The following NRG3 variants were observed in gnomAD, a reference collection of about 807,000 sequenced individuals.
NRG3 encodes the protein neuregulin 3, also known as pro-neuregulin-3, membrane-bound isoform.
Under a neutral mutation model 66.9 loss-of-function variants are expected in NRG3, and 31 were observed. That is an observed-to-expected ratio of 0.46 (90% CI 0.35 to 0.63). NRG3 has a LOEUF of 0.63. Ranked by LOEUF, NRG3 falls within the 20% of genes least tolerant of loss-of-function variation. The pLI is 0.00. For synonymous variants in NRG3, 393 were observed against 359.4 expected, an observed-to-expected ratio of 1.09 and a Z score of -1.06; for missense variants, 910 against 878.9, an observed-to-expected ratio of 1.04 and a Z score of -0.45.
intron 2 of NRG3, among the ~76,000 whole-genome samples, chr10:82,415,679 G>C (rs578075433): frequency 2.0e-5 from 3 of 152,198 alleles, no homozygotes; most frequent in South Asian, 4.2e-4. Context: ...GTTGAGTCAC[G>C]CTACTCCAGA....
intron 2 of NRG3, among the ~76,000 whole-genome samples, chr10:82,606,876 C>T (rs2047999253): frequency 6.6e-6 from 1 of 152,150 alleles, no homozygotes; most frequent in South Asian, 2.1e-4. Flanking sequence ...GACTCAGCAC[C>T]AAAACGTTGT....
intron 4 of NRG3, among the ~76,000 whole-genome samples, chr10:82,893,695 G>C (rs941374484): frequency 2.6e-5 from 4 of 151,820 alleles, no homozygotes; most frequent in African/African-American, 9.7e-5. Context: ...AAAAAAAAAA[G>C]AATAAATAGA....
At chr10:82,229,610 A>G (rs1261741435) in intron 1 of NRG3, among the ~76,000 whole-genome samples, 1 of 152,176 alleles carries the variant, frequency 6.6e-6, no homozygotes, top group Non-Finnish European at 1.5e-5. Flanking sequence ...AGAGGAAACA[A>G]CCATGTCCTT....
At chr10:82,242,006 T>C (rs2077027450) in intron 1 of NRG3, among the ~76,000 whole-genome samples, 1 of 152,188 alleles carries the variant, frequency 6.6e-6, no homozygotes, top group African/African-American at 2.4e-5. Context: ...TATATTAACA[T>C]GTTTCTTCTA....
chr10:82,483,890 C>T (rs1842479933), intron 2 of NRG3, among the ~76,000 whole-genome samples: 1 of 152,198 alleles, frequency 6.6e-6, no homozygotes, highest in African/African-American at 2.4e-5. Flanking sequence ...CCTTTTAACT[C>T]TTATGACTAC....
intron 8 of NRG3, among the ~76,000 whole-genome samples, chr10:82,983,042 AAGATATTTGC>A (rs1458578801): frequency 1.3e-5 from 2 of 152,272 alleles, no homozygotes; most frequent in East Asian, 3.9e-4. Context: ...TATATTCTCT[AAGATATTTGC>A]ACCTTTTTCC....
intron 1 of NRG3, among the ~76,000 whole-genome samples, chr10:81,995,326 A>G (rs766650706): frequency 5.5e-4 from 84 of 152,082 alleles, no homozygotes; most frequent in Non-Finnish European, 5.1e-4. Context: ...TCAAAAATCT[A>G]TTTTCTTGAC....
chr10:82,742,675 G>T (rs2058475597), intron 3 of NRG3, among the ~76,000 whole-genome samples: 1 of 152,100 alleles, frequency 6.6e-6, no homozygotes, highest in South Asian at 2.1e-4. Flanking sequence ...ATCAGCTACT[G>T]TGGCATTCTT....
intron 1 of NRG3, among the ~76,000 whole-genome samples, chr10:82,179,996 T>C (rs2073304165): frequency 6.6e-6 from 1 of 151,884 alleles, no homozygotes; most frequent in African/African-American, 2.4e-5. Flanking sequence ...TTATTTTTAA[T>C]GCTATTGTAA....
At chr10:82,525,990 G>T (rs1214782681) in intron 2 of NRG3, among the ~76,000 whole-genome samples, 1 of 151,920 alleles carries the variant, frequency 6.6e-6, no homozygotes, top group Admixed American at 6.6e-5. Flanking sequence ...AAAGATCAGG[G>T]AAATTATCTG....
At chr10:82,683,840 AAAC>A (rs1482358491) in intron 2 of NRG3, among the ~76,000 whole-genome samples, 25 of 152,348 alleles carry the variant, frequency 1.6e-4, no homozygotes, top group Middle Eastern at 6.8e-3. Flanking sequence ...TAGAGCTAGA[AAAC>A]AACTTTCTTA....
chr10:82,464,472 A>G (rs1840487240), intron 2 of NRG3, among the ~76,000 whole-genome samples: 1 of 152,192 alleles, frequency 6.6e-6, no homozygotes, highest in Admixed American at 6.5e-5. Flanking sequence ...TGCACATGAT[A>G]TCTTGGATAT....
intron 2 of NRG3, among the ~76,000 whole-genome samples, chr10:82,591,687 C>CT (rs2046992088): frequency 6.6e-6 from 1 of 152,136 alleles, no homozygotes. Context: ...AAGTAACTTT[C>CT]CCAAGGCCAT....
chr10:82,052,503 T>C (rs372466683), intron 1 of NRG3, among the ~76,000 whole-genome samples: 1 of 152,204 alleles, frequency 6.6e-6, no homozygotes, highest in East Asian at 1.9e-4. Context: ...CCTCTGGGAA[T>C]CTCAAAGACC....
At chr10:82,216,940 T>A (rs1564674216) in intron 1 of NRG3, among the ~76,000 whole-genome samples, 1 of 152,182 alleles carries the variant, frequency 6.6e-6, no homozygotes, top group Non-Finnish European at 1.5e-5. Flanking sequence ...GCCATTTGGC[T>A]TAAGAAGTTC....
In NRG3 at chr10:82,231,612, G is replaced by C. The variant is rs143171565; in HGVS notation, c.824-127127G>C. On this transcript the variant is annotated intron_variant, in intron 1 of 8. Transcript: ENST00000372141. Reference sequence around the variant, plus strand: ...AAGTTATTTCCACAAGAAATCAATAGGAATGGATATCTGTGCATCACATAA... The same window carrying C: ...AAGTTATTTCCACAAGAAATCAATACGAATGGATATCTGTGCATCACATAA... 1.1e-3 allele frequency among the ~76,000 whole-genome samples: 163 copies of C among 152,214 alleles called. 1 individual carries two copies. In the East Asian group the frequency reaches 0.018, roughly 17 times the overall value.
intron 2 of NRG3, among the ~76,000 whole-genome samples, chr10:82,629,845 C>T (rs1228263236): frequency 3.9e-5 from 6 of 152,150 alleles, no homozygotes; most frequent in African/African-American, 1.4e-4. Flanking sequence ...ACAATAAGGA[C>T]AGAAGTCAGA....
intron 2 of NRG3, among the ~76,000 whole-genome samples, chr10:82,408,129 AAGAAAGAAAGAAAGAAAAG>A (rs1224309008): frequency 7.8e-6 from 1 of 128,902 alleles, no homozygotes; most frequent in Non-Finnish European, 1.6e-5. Flanking sequence ...GAAAGAAAGA[AAGAAAGAAAGAAAGAAAAG>A]AAAAAGAAAA....
intron 1 of NRG3, among the ~76,000 whole-genome samples, chr10:82,185,674 C>T (rs1221793336): frequency 6.6e-6 from 1 of 152,192 alleles, no homozygotes; most frequent in Non-Finnish European, 1.5e-5. Context: ...GTATCTTTTT[C>T]ATCCAGTTTA....
Sources: gnomAD v4.1 joint callset for allele counts (sites outside exome capture counted in the v4.1 genomes callset) on GRCh38, gnomAD v4.1.1 for gene constraint, MANE v1.5 for transcripts, NCBI Gene and HGNC (gene_info 2026-07-23, HGNC 2026-07-21) for gene names.